Variants in OOSP1 observed in about 807,000 individuals in gnomAD.
OOSP1 encodes oocyte secreted protein 1, also known as putative oocyte-secreted protein 1 homolog.
A neutral mutation model predicts 5.7 loss-of-function variants in OOSP1; 11 were observed. That is an observed-to-expected ratio of 1.94 (90% CI 1.22 to 3.20). OOSP1 has a LOEUF of 3.20. OOSP1 is among the 30% of genes most tolerant of loss of function. OOSP1 has a pLI of 0.00. For synonymous variants in OOSP1, 44 were observed against 20.0 expected (o/e 2.20, Z -3.20); for missense variants, 83 against 54.1 (o/e 1.53, Z -1.67).
chr11:59,947,553 G>A (rs1366910109), intron 3 of OOSP1, among the ~76,000 whole-genome samples, 180 bp from the exon 4 acceptor site: 3 of 152,116 alleles, frequency 2.0e-5, no homozygotes, highest in Non-Finnish European at 4.4e-5. Context: ...TTGCTTCTTA[G>A]CACCACAAAT....
At chr11:59,953,121 A>G (rs1049097103) in intron 4 of OOSP1, among the ~76,000 whole-genome samples, 2 of 152,092 alleles carry the variant, frequency 1.3e-5, no homozygotes, top group Non-Finnish European at 2.9e-5. Flanking sequence ...CCTTCTGCCT[A>G]TGGCTAGAAA....
chr11:59,952,652 G>C (rs1280904987), intron 4 of OOSP1, among the ~76,000 whole-genome samples: 1 of 152,046 alleles, frequency 6.6e-6, no homozygotes, highest in Non-Finnish European at 1.5e-5. Context: ...AAGTTGGGAG[G>C]GGTGCTAGGA....
intron 2 of OOSP1, among the ~76,000 whole-genome samples, chr11:59,944,852 A>G (rs1853865609): frequency 6.6e-6 from 1 of 152,236 alleles, no homozygotes; most frequent in Admixed American, 6.5e-5. Flanking sequence ...CGCTTTGAAT[A>G]AGCAATGTAT....
chr11:59,939,407 A>G (rs959504157), intron 1 of OOSP1, among the ~76,000 whole-genome samples: 4 of 151,844 alleles, frequency 2.6e-5, no homozygotes, highest in African/African-American at 9.7e-5. Context: ...GTGCACCACC[A>G]CATCCAGCTA....
At chr11:59,946,964 T>TATC (rs1203328000) in intron 3 of OOSP1, among the ~76,000 whole-genome samples, 3 of 149,696 alleles carry the variant, frequency 2.0e-5, no homozygotes, top group African/African-American at 7.5e-5. Flanking sequence ...TCTATCTATC[T>TATC]ATCTGTCTAT....
chr11:59,948,624 A>T (rs2134570409), intron 4 of OOSP1: 1 of 396,018 alleles, frequency 2.5e-6, no homozygotes, highest in East Asian at 3.6e-5. Context: ...TGCTTTACTT[A>T]TGAATAACAG....
At chr11:59,939,317 T>A (rs982913110) in intron 1 of OOSP1, among the ~76,000 whole-genome samples, 1 of 151,762 alleles carries the variant, frequency 6.6e-6, no homozygotes, top group Non-Finnish European at 1.5e-5. Context: ...AGTGGTATGA[T>A]CTGGGCTCAC....
chr11:59,940,351 C>A lies in OOSP1; in HGVS notation c.76+1821C>A, dbSNP rs75157410. Among the ~76,000 whole-genome samples the A allele has an allele frequency of 9.4e-3, 1,439 of 152,296 alleles. 22 individuals carry two copies. The highest frequency in any genetic ancestry group is 0.032 in the African/African-American group (1,332 of 41,548). On this transcript the variant is annotated intron_variant, in intron 1 of 4. Transcript: ENST00000646685. ...AAAAGTTCAGGTAGAGTTGAAGTCC[C>A]TGTGGTCATTCCTGATCCTATTCTC...
intron 4 of OOSP1, among the ~76,000 whole-genome samples, chr11:59,950,886 A>G (rs1853933341): frequency 6.6e-6 from 1 of 151,718 alleles, no homozygotes; most frequent in Admixed American, 6.6e-5. Flanking sequence ...TGCACATGGT[A>G]ATAGTTTTTT....
chr11:59,947,058 A>G (rs1003092234), intron 3 of OOSP1, among the ~76,000 whole-genome samples: 1 of 152,090 alleles, frequency 6.6e-6, no homozygotes, highest in African/African-American at 2.4e-5. Flanking sequence ...AAAGTGTGAT[A>G]TATTTGGCAG....
At chr11:59,954,031 A>T (rs1244647692) in intron 4 of OOSP1, among the ~76,000 whole-genome samples, 3 of 152,228 alleles carry the variant, frequency 2.0e-5, no homozygotes, top group African/African-American at 7.2e-5. Flanking sequence ...GGCTATATGG[A>T]ATAGCCTGTT....
At chr11:59,953,608 T>C (rs1853961505) in intron 4 of OOSP1, among the ~76,000 whole-genome samples, 1 of 152,192 alleles carries the variant, frequency 6.6e-6, no homozygotes, top group South Asian at 2.1e-4. Context: ...ACTTTTTGTA[T>C]GTTTCTGTAC....
chr11:59,943,561 G>A (rs1455393587), intron 2 of OOSP1, among the ~76,000 whole-genome samples: 1 of 152,226 alleles, frequency 6.6e-6, no homozygotes, highest in Non-Finnish European at 1.5e-5. Flanking sequence ...TAGTGATGGA[G>A]CAGGCGGGAG....
At chr11:59,957,279 T>G (rs951199939) in exon 5 of OOSP1, 2 of 397,836 alleles carry the variant, frequency 5.0e-6, no homozygotes, top group East Asian at 7.1e-5. Context: ...GCATATTTCA[T>G]GTGCTGTTGA....
chr11:59,951,727 T>G (rs1853941525), intron 4 of OOSP1, among the ~76,000 whole-genome samples: 1 of 148,368 alleles, frequency 6.7e-6, no homozygotes, highest in South Asian at 2.1e-4. Flanking sequence ...TTTTTTTTTT[T>G]GAGATGGAGT....
At chr11:59,947,187 A>C (rs1029013549) in intron 3 of OOSP1, among the ~76,000 whole-genome samples, 3 of 152,140 alleles carry the variant, frequency 2.0e-5, no homozygotes, top group Non-Finnish European at 2.9e-5. Flanking sequence ...GATAATTATA[A>C]TAGCAGCTAA....
chr11:59,939,142 T>G (rs907308402), intron 1 of OOSP1, among the ~76,000 whole-genome samples: 1 of 152,044 alleles, frequency 6.6e-6, no homozygotes, highest in Non-Finnish European at 1.5e-5. Context: ...CTCTTTCTCT[T>G]TTCCTTTCTT....
intron 4 of OOSP1, among the ~76,000 whole-genome samples, chr11:59,956,798 T>G (rs1225443155): frequency 6.6e-6 from 1 of 152,214 alleles, no homozygotes; most frequent in Non-Finnish European, 1.5e-5. Flanking sequence ...AGTGAGAACA[T>G]ACAATGTTTG....
intron 1 of OOSP1, among the ~76,000 whole-genome samples, chr11:59,939,773 C>T (rs1853806369): frequency 6.7e-6 from 1 of 150,106 alleles, no homozygotes; most frequent in Non-Finnish European, 1.5e-5. Context: ...TTCTCTTTCT[C>T]ATCTTTCTCT....
Sources: gnomAD v4.1 joint callset for allele counts (sites outside exome capture counted in the v4.1 genomes callset) on GRCh38, gnomAD v4.1.1 for gene constraint, MANE v1.5 for transcripts, NCBI Gene and HGNC (gene_info 2026-07-23, HGNC 2026-07-21) for gene names.